CACNA1B: variants seen among roughly 807,000 people sequenced by gnomAD.
CACNA1B encodes calcium voltage-gated channel subunit alpha1 B.
Under a neutral mutation model 247.2 loss-of-function variants are expected in CACNA1B, and 70 were observed. That is an observed-to-expected ratio of 0.28 (90% CI 0.23 to 0.35). CACNA1B has a LOEUF of 0.35. Among genes scored for constraint, CACNA1B ranks in the 10% least tolerant of loss-of-function variants. The pLI is 1.00. For missense variants in CACNA1B, 2,367 were observed against 3,197.4 expected (o/e 0.74, Z 6.26); for synonymous variants, 1,231 against 1,294.4 (o/e 0.95, Z 1.05).
Position 137,919,321 on chromosome 9 carries a change from T to C in CACNA1B, c.966+1890T>C, listed in dbSNP as rs1054113926. Among the ~76,000 whole-genome samples the C allele has an allele frequency of 6.6e-6, 1 of 151,898 alleles. No individual in the cohort carries two copies. Among genetic ancestry groups the C allele is most frequent in the African/African-American group, 2.4e-5 (1 of 41,332 alleles). ...AGTGCCGTGAAGAAAACAGAAGAGGTTGAGGAGCAGGCAGTGACGAGGTAC... is the reference window on the plus strand; with the variant it reads ...AGTGCCGTGAAGAAAACAGAAGAGGCTGAGGAGCAGGCAGTGACGAGGTAC... On this transcript the variant is annotated intron_variant, in intron 6 of 46. Coordinates refer to ENST00000371372, the MANE Select transcript of CACNA1B (RefSeq NM_000718.4). The surrounding 1 kb of genome is among the most constrained non-coding windows in gnomAD (Gnocchi z 4.6).
At chr9:137,960,179 GGAAAGTTGGCCTGAGT>G (rs1353696018) in intron 10 of CACNA1B, among the ~76,000 whole-genome samples, 40 of 144,926 alleles carry the variant, frequency 2.8e-4, no homozygotes, top group Admixed American at 4.1e-4. Flanking sequence ...TGGCGGGGAG[GGAAAGTTGGCCTGAGT>G]GAGGGGGAGG....
At chr9:138,092,037 A>G (rs933850219) in intron 36 of CACNA1B, among the ~76,000 whole-genome samples, 8 of 152,242 alleles carry the variant, frequency 5.3e-5, no homozygotes, top group Non-Finnish European at 1.5e-5. Flanking sequence ...AGACACAAAG[A>G]GCACATGCTT....
intron 36 of CACNA1B, 76 bp downstream of exon 36, chr9:138,078,334 G>A: frequency 7.1e-7 from 1 of 1,417,312 alleles, no homozygotes; most frequent in Non-Finnish European, 9.9e-7. Flanking sequence ...CACATCTCCT[G>A]CTGATCCCTG....
At chr9:137,984,338 C>T (rs1263429373) in intron 13 of CACNA1B, 88 bp downstream of exon 13, 3 of 891,338 alleles carry the variant, frequency 3.4e-6, no homozygotes, top group Non-Finnish European at 5.4e-6. Flanking sequence ...CCCAGGAGTT[C>T]ACAGCACCCA....
chr9:138,091,257 C>T (rs959010948), intron 36 of CACNA1B, among the ~76,000 whole-genome samples: 1 of 152,090 alleles, frequency 6.6e-6, no homozygotes, highest in African/African-American at 2.4e-5. Context: ...GCTTGGAGGT[C>T]ATTATGTTAA....
rs7044028 is a variant in CACNA1B, at chr9:137,888,311, A to G, written c.530+5428A>G. Among the ~76,000 whole-genome samples, 81,313 of 150,794 alleles carry G rather than the reference A, an allele frequency of 0.54. 22,928 individuals carry two copies. Among genetic ancestry groups the G allele is most frequent in the African/African-American group, 0.7 (28,843 of 41,202 alleles). On this transcript the variant is annotated intron_variant, in intron 3 of 46. Coordinates refer to ENST00000371372, the MANE Select transcript of CACNA1B (RefSeq NM_000718.4). This position sits in a 1 kb window ranked among gnomAD's most constrained non-coding sequence, Gnocchi z 4.7. ...CCGTGCCCCAGCCAGTCTCACGTGCATCCACGCTCCCAGTCCTGTCCCCAC... is the reference window on the plus strand; with the variant it reads ...CCGTGCCCCAGCCAGTCTCACGTGCGTCCACGCTCCCAGTCCTGTCCCCAC...
chr9:137,899,037 G>C lies in CACNA1B; in HGVS notation c.531-14143G>C, dbSNP rs1957202953. On this transcript the variant is annotated intron_variant, in intron 3 of 46. Coordinates refer to ENST00000371372, the MANE Select transcript of CACNA1B (RefSeq NM_000718.4). The surrounding 1 kb of genome is among the most constrained non-coding windows in gnomAD (Gnocchi z 5.0). ...TCCTCCCGCCTCAGCTTTCCAAAGTGCTGGGATTGTAGGTGTGAGCCACCC... is the reference window on the plus strand; with the variant it reads ...TCCTCCCGCCTCAGCTTTCCAAAGTCCTGGGATTGTAGGTGTGAGCCACCC... Among the ~76,000 whole-genome samples, 1 of 151,836 alleles carries C rather than the reference G, an allele frequency of 6.6e-6. No homozygotes were observed. The highest frequency in any genetic ancestry group is 6.6e-5 in the Admixed American group (1 of 15,230).
intron 37 of CACNA1B, among the ~76,000 whole-genome samples, chr9:138,099,048 G>A (rs1961153491): frequency 1.3e-5 from 2 of 152,228 alleles, no homozygotes; most frequent in East Asian, 1.9e-4. Context: ...ACCACTCTAT[G>A]GCTCCTCGTT....
chr9:137,998,137 G>A (rs1309097355), intron 15 of CACNA1B, among the ~76,000 whole-genome samples: 1 of 152,084 alleles, frequency 6.6e-6, no homozygotes, highest in Non-Finnish European at 1.5e-5. Flanking sequence ...GGTGGGGAGA[G>A]GGAGAGGAAT....
At chr9:137,938,911 A>G (rs1344884296) in intron 6 of CACNA1B, among the ~76,000 whole-genome samples, 3 of 152,140 alleles carry the variant, frequency 2.0e-5, no homozygotes, top group South Asian at 2.1e-4. Flanking sequence ...TGTCTCTACT[A>G]AAAATACAAA....
chr9:137,982,148 A>G (rs1958301769), intron 12 of CACNA1B, among the ~76,000 whole-genome samples: 2 of 152,220 alleles, frequency 1.3e-5, no homozygotes, highest in Admixed American at 1.3e-4. Context: ...TGAGTCAGGA[A>G]TCAGGGTGGC....
At chr9:137,941,273 A>G (rs1957729787) in intron 6 of CACNA1B, among the ~76,000 whole-genome samples, 1 of 152,206 alleles carries the variant, frequency 6.6e-6, no homozygotes, top group East Asian at 1.9e-4. Flanking sequence ...ATATACTAAC[A>G]GTGACCAAGC....
chr9:138,090,596 TAATC>T (rs766394437), intron 36 of CACNA1B, among the ~76,000 whole-genome samples: 3 of 145,172 alleles, frequency 2.1e-5, no homozygotes, highest in East Asian at 2.1e-4. Context: ...GCCAATGAAA[TAATC>T]AACAGAGTGA....
chr9:138,089,653 T>C (rs768581215), intron 36 of CACNA1B, among the ~76,000 whole-genome samples: 2 of 152,102 alleles, frequency 1.3e-5, no homozygotes, highest in Non-Finnish European at 2.9e-5. Flanking sequence ...AGAGCAGTTA[T>C]GTAAGAAAAA....
In CACNA1B at chr9:137,957,148, G is replaced by A. The variant is rs1018369824; in HGVS notation, c.1243+321G>A. The stretch of plus-strand genomic sequence containing the variant: ...CCCACTGCTGTGGTTGCTGGCACTA[G>A]TTACCAGCATAGCTGCAGCAGCAGG... On this transcript the variant is annotated intron_variant, in intron 9 of 46. Coordinates refer to ENST00000371372, the MANE Select transcript of CACNA1B (RefSeq NM_000718.4). The surrounding 1 kb of genome is among the most constrained non-coding windows in gnomAD (Gnocchi z 4.7). Among the ~76,000 whole-genome samples, 1 of 152,362 alleles carries A rather than the reference G, an allele frequency of 6.6e-6. No individual in the cohort carries two copies. The highest frequency in any genetic ancestry group is 2.4e-5 in the African/African-American group (1 of 41,586).
chr9:137,939,051 C>T lies in CACNA1B; in HGVS notation c.967-13223C>T, dbSNP rs374610735. 9.2e-5 allele frequency among the ~76,000 whole-genome samples: 14 copies of T among 151,946 alleles called. No homozygotes were observed. The East Asian group carries it at 2.7e-3, about 29-fold the overall frequency. On this transcript the variant is annotated intron_variant, in intron 6 of 46. Coordinates refer to ENST00000371372, the MANE Select transcript of CACNA1B (RefSeq NM_000718.4). Reference sequence around the variant, plus strand: ...TGCCATTGCACTCCAGCCTGGGTGACAGAGCGAGATTCTGTCCTAAAAGAA... The same window carrying T: ...TGCCATTGCACTCCAGCCTGGGTGATAGAGCGAGATTCTGTCCTAAAAGAA...
rs1364951118 is a variant in CACNA1B, at chr9:137,886,958, G to T, written c.530+4075G>T. Among the ~76,000 whole-genome samples, 49 of 151,298 alleles carry T rather than the reference G, an allele frequency of 3.2e-4. 1 individual carries two copies. The highest frequency in any genetic ancestry group is 7.4e-5 in the Non-Finnish European group (5 of 67,702). On this transcript the variant is annotated intron_variant, in intron 3 of 46. Transcript: ENST00000371372. ...GGGAAGAGGTATGGCTGGAGGTGGT[G>T]ATTCGAGGGACATGGGTGTCCCAGT...
At chr9:138,034,910 AG>A (rs1959025401) in intron 20 of CACNA1B, among the ~76,000 whole-genome samples, 2 of 152,314 alleles carry the variant, frequency 1.3e-5, no homozygotes, top group East Asian at 3.9e-4. Context: ...AAGTAAAATA[AG>A]GGTTACTTGA....
At chr9:137,906,718 T>C (rs1005035062) in intron 3 of CACNA1B, among the ~76,000 whole-genome samples, 8 of 152,160 alleles carry the variant, frequency 5.3e-5, no homozygotes, top group Admixed American at 3.9e-4. Flanking sequence ...TTCATCCCCA[T>C]GTGATGCATT....
Sources: gnomAD v4.1 joint callset for allele counts (sites outside exome capture counted in the v4.1 genomes callset) on GRCh38, gnomAD v4.1.1 for gene constraint, Gnocchi (gnomAD v3.1) non-coding constraint, MANE v1.5 for transcripts, NCBI Gene and HGNC (gene_info 2026-07-23, HGNC 2026-07-21) for gene names.